NAV2: variants seen among roughly 807,000 people sequenced by gnomAD.
The protein encoded by NAV2 is neuron navigator 2.
In NAV2, 54 loss-of-function variants were observed where a neutral mutation model predicts 223.2. The ratio of observed to expected loss-of-function variants is 0.24; its 90% CI spans 0.19 to 0.30. NAV2 has a LOEUF of 0.30. Among genes scored for constraint, NAV2 ranks in the 10% least tolerant of loss-of-function variants. The pLI, the probability that NAV2 is intolerant of heterozygous loss-of-function variation, is 1.00. For missense variants in NAV2, 2,806 were observed against 3,147.5 expected, an observed-to-expected ratio of 0.89 and a Z score of 2.60; for synonymous variants, 1,279 against 1,239.3, an observed-to-expected ratio of 1.03 and a Z score of -0.67.
intron 4 of NAV2, among the ~76,000 whole-genome samples, chr11:19,877,511 T>C (rs1291264178): frequency 6.7e-6 from 1 of 149,946 alleles, no homozygotes; most frequent in Non-Finnish European, 1.5e-5. Flanking sequence ...CTTGCTCTGT[T>C]GCCCAGGCTG....
At chr11:19,494,750 C>A (rs1156425676) in intron 1 of NAV2, among the ~76,000 whole-genome samples, 5 of 152,178 alleles carry the variant, frequency 3.3e-5, no homozygotes, top group Non-Finnish European at 7.3e-5. Flanking sequence ...ACCTAGATTC[C>A]TGAACACTTG....
chr11:19,859,774 C>G (rs1378554535), intron 3 of NAV2, among the ~76,000 whole-genome samples: 3 of 148,198 alleles, frequency 2.0e-5, no homozygotes, highest in East Asian at 4.2e-4. Context: ...GGGGGGCTGA[C>G]CCCCCCACCT....
In NAV2 at chr11:19,377,055, C is replaced by T. The variant is rs540875033; in HGVS notation, c.75+26028C>T. Among the ~76,000 whole-genome samples, 21 of 152,248 alleles carry T rather than the reference C, an allele frequency of 1.4e-4. No individual in the cohort carries two copies. In the South Asian group the frequency reaches 2.3e-3, roughly 17 times the overall value. Reference sequence around the variant, plus strand: ...ACCCAGAGAAGGCTGTAAAACATGGCGTGGGGAAAGTGCCCCAGACAAGCA... The same window carrying T: ...ACCCAGAGAAGGCTGTAAAACATGGTGTGGGGAAAGTGCCCCAGACAAGCA... On this transcript the variant is annotated intron_variant, in intron 1 of 37. Transcript: ENST00000360655.
chr11:19,730,415 T>C (rs1486916444), intron 1 of NAV2, among the ~76,000 whole-genome samples: 1 of 152,208 alleles, frequency 6.6e-6, no homozygotes, highest in Admixed American at 6.5e-5. Context: ...AGGGGCTTGT[T>C]GCAAAGCCCC....
intron 17 of NAV2, 144 bp from the exon 18 acceptor site, chr11:20,053,936 T>A: frequency 1.2e-6 from 1 of 843,212 alleles, no homozygotes; most frequent in Non-Finnish European, 1.8e-6. Context: ...ACTTCATAAG[T>A]TTCAGGACGT....
intron 1 of NAV2, among the ~76,000 whole-genome samples, chr11:19,472,155 T>C (rs2041984361): frequency 6.6e-6 from 1 of 152,246 alleles, no homozygotes; most frequent in Admixed American, 6.5e-5. Context: ...GACTGTGTTT[T>C]CTGCAATCCC....
Position 19,948,884 on chromosome 11 carries a change from G to C in NAV2, c.2449G>C (p.Glu817Gln), listed in dbSNP as rs749729000. 6.2e-7 allele frequency: 1 copy of C among 1,614,102 alleles called. No individual in the cohort carries two copies. The highest frequency in any genetic ancestry group is 1.7e-5 in the Admixed American group (1 of 60,004). The change falls in exon 10 of 38, where the codon GAG becomes CAG. Residue 817 changes from glutamate to glutamine, a missense_variant. Coordinates refer to ENST00000349880, the MANE Select transcript of NAV2 (RefSeq NM_145117.5). ...CAACGCCAGCAGGTTCATCAACACT[G>C]AGTCAGGTCGCTATGTGTACTCCGC... ...RANASRFINT[E>Q]SGRYVYSAPL...
At chr11:20,094,931 C>T (rs1592121708) in intron 29 of NAV2, among the ~76,000 whole-genome samples, 1 of 152,170 alleles carries the variant, frequency 6.6e-6, no homozygotes, top group Non-Finnish European at 1.5e-5. Context: ...ATCAGCTTTT[C>T]TTTTATCACT....
At chr11:19,678,417 C>A (rs2048782345) in intron 1 of NAV2, among the ~76,000 whole-genome samples, 1 of 152,176 alleles carries the variant, frequency 6.6e-6, no homozygotes, top group Admixed American at 6.5e-5. Flanking sequence ...CATCTCGCTG[C>A]AGGATCTGGA....
At chr11:19,727,244 G>C (rs1035286108) in intron 1 of NAV2, among the ~76,000 whole-genome samples, 1 of 152,178 alleles carries the variant, frequency 6.6e-6, no homozygotes, top group Non-Finnish European at 1.5e-5. Context: ...GCCTGGGCTG[G>C]TTGAGATAGC....
intron 1 of NAV2, among the ~76,000 whole-genome samples, chr11:19,491,037 G>T (rs1461916166): frequency 6.6e-6 from 1 of 152,110 alleles, no homozygotes. Flanking sequence ...TTTTTTCTGA[G>T]GAGTAGGTCT....
chr11:19,611,828 G>A (rs1276237752), intron 1 of NAV2, among the ~76,000 whole-genome samples: 9 of 152,188 alleles, frequency 5.9e-5, no homozygotes, highest in Non-Finnish European at 1.2e-4. Context: ...CCATTCTGGG[G>A]TCTGGAGAAT....
rs182336404 is a variant in NAV2 at position 19,424,870 on chromosome 11, A to G, written c.75+73843A>G. 7.0e-3 allele frequency among the ~76,000 whole-genome samples: 1,064 copies of G among 152,256 alleles called. 15 individuals carry two copies. Among genetic ancestry groups the G allele is most frequent in the African/African-American group, 0.024 (998 of 41,534 alleles). ...CCGGCCTTAGTTTGGTGTTTTTATA[A>G]GAAGATCTAAGCAAGAATTTAAAAA... On this transcript the variant is annotated intron_variant, in intron 1 of 37. Coordinates refer to the NAV2 transcript ENST00000360655.
rs1459245871 is a variant in NAV2 at position 19,713,842 on chromosome 11, G to A, written c.147G>A (p.Lys49=). The change falls in exon 1 of 38, where the codon AAG becomes AAA. Residue 49 remains lysine, a synonymous_variant. Transcript: ENST00000349880. This position sits in a 1 kb window ranked among gnomAD's most constrained non-coding sequence, Gnocchi z 7.2. ...LKLGSKVEVS[K]TTYPSQIPLK... is the part of the protein sequence containing the mutation. ...TGGGAAGCAAGGTGGAGGTGAGCAA[G>A]ACCACCTATCCTAGCCAGATCCCCC... The A allele has an allele frequency of 1.2e-6, 2 of 1,613,508 alleles. No homozygotes were observed. The highest frequency in any genetic ancestry group is 1.6e-4 in the Middle Eastern group (1 of 6,062).
chr11:19,949,911 CTG>C (rs2047244838), intron 10 of NAV2, among the ~76,000 whole-genome samples: 1 of 152,216 alleles, frequency 6.6e-6, no homozygotes, highest in South Asian at 2.1e-4. Flanking sequence ...CCCTGTTTCT[CTG>C]TGTGCTCATA....
chr11:19,989,094 T>A (rs568479863), intron 11 of NAV2, among the ~76,000 whole-genome samples: 1 of 152,226 alleles, frequency 6.6e-6, no homozygotes, highest in South Asian at 2.1e-4. Context: ...TCTAAGCCTG[T>A]GGTAGGTGTA....
intron 1 of NAV2, among the ~76,000 whole-genome samples, chr11:19,563,846 C>T (rs920390502): frequency 6.6e-6 from 1 of 152,106 alleles, no homozygotes; most frequent in African/African-American, 2.4e-5. Flanking sequence ...ATAACTACCT[C>T]ACAGGGTTAT....
At chr11:19,670,714 G>T (rs539154072) in intron 1 of NAV2, among the ~76,000 whole-genome samples, 2 of 152,356 alleles carry the variant, frequency 1.3e-5, no homozygotes, top group African/African-American at 4.8e-5. Flanking sequence ...TGAAGCGGCA[G>T]CTGGGTCACA....
rs145445008 is a variant in NAV2 at position 19,587,440 on chromosome 11, C to T, written c.75+236413C>T. ...ATGAACCTGGTACTTCAGTTGGAAA[C>T]GCAGAAATCACCCATCTTCTGCGTC... On this transcript the variant is annotated intron_variant, in intron 1 of 37. Transcript: ENST00000360655. Among the ~76,000 whole-genome samples, 432 of 152,292 alleles carry T rather than the reference C, an allele frequency of 2.8e-3. 2 individuals are homozygous for T. Among genetic ancestry groups the T allele is most frequent in the African/African-American group, 9.8e-3 (409 of 41,546 alleles).
Sources: gnomAD v4.1 joint callset for allele counts (sites outside exome capture counted in the v4.1 genomes callset) on GRCh38, gnomAD v4.1.1 for gene constraint, Gnocchi (gnomAD v3.1) non-coding constraint, MANE v1.5 for transcripts, NCBI Gene and HGNC (gene_info 2026-07-23, HGNC 2026-07-21) for gene names.